The following CABIN1 variants were observed in gnomAD, a reference collection of about 807,000 sequenced individuals.
CABIN1 encodes the protein calcineurin-binding protein cabin-1.
CABIN1 carries 133 observed loss-of-function variants against 227.7 expected under a neutral mutation model. The observed-to-expected ratio is 0.58, with a 90% confidence interval of 0.51 to 0.67. The LOEUF is 0.67. CABIN1 is among the 30% of genes least tolerant of loss of function. The probability of loss-of-function intolerance (pLI) is 0.00; values close to 1 mark genes in which losing one functional copy is unlikely to be tolerated. For synonymous variants in CABIN1, 1,086 were observed against 1,155.1 expected (o/e 0.94, Z 1.21); for missense variants, 2,408 against 2,852.5 (o/e 0.84, Z 3.55).
chr22:24,143,681 T>C (rs1364559590), intron 29 of CABIN1, among the ~76,000 whole-genome samples: 4 of 152,134 alleles, frequency 2.6e-5, no homozygotes, highest in South Asian at 2.1e-4. Flanking sequence ...CCAGCACTTA[T>C]TGGGGGCTTG....
At chr22:24,053,760 G>A (rs1300918198) in intron 8 of CABIN1, among the ~76,000 whole-genome samples, 2 of 152,242 alleles carry the variant, frequency 1.3e-5, no homozygotes, top group South Asian at 2.1e-4. Flanking sequence ...TGCTAGGGGC[G>A]CAGTGTGGCA....
chr22:24,056,862 C>CA (rs1569138942), intron 10 of CABIN1, among the ~76,000 whole-genome samples: 1 of 151,958 alleles, frequency 6.6e-6, no homozygotes, highest in Non-Finnish European at 1.5e-5. Flanking sequence ...GCCTAGGGGA[C>CA]AAGCAGGAAC....
At chr22:24,153,913 GC>G (rs2045635184) in intron 29 of CABIN1, among the ~76,000 whole-genome samples, 1 of 152,202 alleles carries the variant, frequency 6.6e-6, no homozygotes, top group Non-Finnish European at 1.5e-5. Context: ...GGGACCCCAA[GC>G]TGCCCAGCCC....
chr22:24,063,798 C>T (rs2088899288), intron 14 of CABIN1, among the ~76,000 whole-genome samples: 1 of 152,208 alleles, frequency 6.6e-6, no homozygotes, highest in Non-Finnish European at 1.5e-5. Context: ...TTTTCATCTG[C>T]AACATGGGGT....
At chr22:24,165,454 A>T (rs953976726) in intron 30 of CABIN1, 76 bp from the exon 31 acceptor site, 5 of 1,224,662 alleles carry the variant, frequency 4.1e-6, no homozygotes, top group Non-Finnish European at 1.2e-6. Context: ...AGGGATGGGC[A>T]GTGGCCACCA....
chr22:24,161,804 T>C (rs568414455), intron 29 of CABIN1, among the ~76,000 whole-genome samples: 1 of 152,300 alleles, frequency 6.6e-6, no homozygotes, highest in South Asian at 2.1e-4. Flanking sequence ...AACCTGGCCA[T>C]GCCCCTTCCT....
chr22:24,072,327 C>G (rs2040147966), intron 17 of CABIN1, 27 bp from the exon 18 acceptor site: 8 of 1,613,848 alleles, frequency 5.0e-6, no homozygotes, highest in Non-Finnish European at 5.9e-6. Context: ...TGTGACACTT[C>G]TGCTGTCTCC....
intron 1 of CABIN1, among the ~76,000 whole-genome samples, chr22:24,023,571 A>G (rs537999330): frequency 6.6e-6 from 1 of 151,896 alleles, no homozygotes; most frequent in Non-Finnish European, 1.5e-5. Context: ...TTTCTGTTTT[A>G]TTTTTTTGAT....
At chr22:24,046,547 A>G (rs1200079068) in intron 6 of CABIN1, among the ~76,000 whole-genome samples, 1 of 151,938 alleles carries the variant, frequency 6.6e-6, no homozygotes, top group African/African-American at 2.4e-5. Context: ...AGTTCTTTGC[A>G]CCCCTCTCTC....
At chr22:24,030,766 A>G (rs1403646821) in intron 1 of CABIN1, among the ~76,000 whole-genome samples, 1 of 152,040 alleles carries the variant, frequency 6.6e-6, no homozygotes, top group African/African-American at 2.4e-5. Flanking sequence ...CAGACAGCAT[A>G]TGGGGCCAGA....
chr22:24,041,447 C>T (rs2037365427), intron 5 of CABIN1, among the ~76,000 whole-genome samples, 174 bp downstream of exon 5: 1 of 152,112 alleles, frequency 6.6e-6, no homozygotes, highest in Non-Finnish European at 1.5e-5. Context: ...CTGACCAGGC[C>T]TGGAGAGCAG....
intron 29 of CABIN1, among the ~76,000 whole-genome samples, 200 bp downstream of exon 29, chr22:24,134,615 A>G (rs913166337): frequency 1.3e-5 from 2 of 152,156 alleles, no homozygotes; most frequent in Admixed American, 6.5e-5. Context: ...CTGGCAAGTC[A>G]CTGCCCCCTC....
chr22:24,092,003 T>G (rs567732138), intron 24 of CABIN1, 160 bp downstream of exon 24: 3 of 785,752 alleles, frequency 3.8e-6, no homozygotes, highest in African/African-American at 1.7e-5. Flanking sequence ...AAAACATCAT[T>G]TCCTCTCTTT....
intron 25 of CABIN1, among the ~76,000 whole-genome samples, chr22:24,097,792 G>A (rs2041981770): frequency 1.3e-5 from 2 of 152,150 alleles, no homozygotes; most frequent in South Asian, 4.1e-4. Flanking sequence ...TGCAGGTCGC[G>A]CCCTGCCAGA....
intron 34 of CABIN1, 85 bp from the exon 35 acceptor site, chr22:24,176,026 C>G (rs2047083390): frequency 6.8e-7 from 1 of 1,466,800 alleles, no homozygotes; most frequent in Non-Finnish European, 9.4e-7. Context: ...AGGGCACAAC[C>G]TGGGCCCATA....
chr22:24,046,063 C>G (rs1202265969), intron 6 of CABIN1, among the ~76,000 whole-genome samples: 1 of 152,138 alleles, frequency 6.6e-6, no homozygotes, highest in Non-Finnish European at 1.5e-5. Flanking sequence ...CTTGATTTCT[C>G]CTTTTTGTCA....
intron 29 of CABIN1, among the ~76,000 whole-genome samples, chr22:24,135,452 T>C (rs2044338894): frequency 6.6e-6 from 1 of 152,084 alleles, no homozygotes; most frequent in Non-Finnish European, 1.5e-5. Flanking sequence ...ATATTGCGTG[T>C]CAGGTGGAGA....
intron 6 of CABIN1, among the ~76,000 whole-genome samples, chr22:24,048,177 T>TA (rs1021547555): frequency 9.2e-5 from 14 of 152,218 alleles, no homozygotes; most frequent in African/African-American, 2.6e-4. Flanking sequence ...GGTTTTTTTT[T>TA]TAAAAAAAGG....
chr22:24,120,876 A>G (rs999887867), intron 28 of CABIN1, among the ~76,000 whole-genome samples: 1 of 152,232 alleles, frequency 6.6e-6, no homozygotes, highest in Non-Finnish European at 1.5e-5. Context: ...TCATTTGAAC[A>G]ATACCACAGA....
Sources: gnomAD v4.1 joint callset for allele counts (sites outside exome capture counted in the v4.1 genomes callset) on GRCh38, gnomAD v4.1.1 for gene constraint, MANE v1.5 for transcripts, NCBI Gene and HGNC (gene_info 2026-07-23, HGNC 2026-07-21) for gene names.